BICRAL: variants seen among roughly 807,000 people sequenced by gnomAD.
BICRAL encodes BRD4-interacting chromatin-remodeling complex-associated protein-like.
In BICRAL, 8 loss-of-function variants were observed where a neutral mutation model predicts 91.8. The observed-to-expected ratio is 0.09, with a 90% CI of 0.05 to 0.16. The LOEUF (loss-of-function observed/expected upper bound fraction) is 0.16, where lower values mean the gene tolerates loss of function less well. Ranked by LOEUF, BICRAL falls within the 10% of genes least tolerant of loss-of-function variation. The probability of loss-of-function intolerance (pLI) is 1.00; values close to 1 mark genes in which losing one functional copy is unlikely to be tolerated. For missense variants in BICRAL, 1,038 were observed against 1,310.9 expected, an observed-to-expected ratio of 0.79 and a Z score of 3.21; for synonymous variants, 445 against 491.1, an observed-to-expected ratio of 0.91 and a Z score of 1.24.
rs1208446117 is a variant in BICRAL, at chr6:42,828,872, A to G, written c.539A>G (p.Asn180Ser). Residue 180 changes from asparagine (N) to serine (S), a missense_variant, in exon 6 of 13, where the codon AAT becomes AGT. Transcript: ENST00000314073. ...HVPVGASFAS[N>S]TVGVQHGFMQ... ...CCTGTTGGAGCATCGTTTGCAAGCAATACAGTGGGTGTACAACATGGCTTT... is the reference window on the plus strand; with the variant it reads ...CCTGTTGGAGCATCGTTTGCAAGCAGTACAGTGGGTGTACAACATGGCTTT... The G allele has an allele frequency of 6.8e-6, 11 of 1,614,088 alleles. No homozygotes were observed. Among genetic ancestry groups the G allele is most frequent in the African/African-American group, 1.3e-5 (1 of 74,934 alleles).
intron 1 of BICRAL, among the ~76,000 whole-genome samples, chr6:42,782,548 C>T (rs532690249): frequency 4.1e-4 from 61 of 149,174 alleles, no homozygotes; most frequent in African/African-American, 1.4e-3. Flanking sequence ...GGGGGCCCGG[C>T]GCCTTTCTTT....
At position 42,822,941 on chromosome 6, in the gene BICRAL, G is replaced by T; in HGVS notation, c.97G>T (p.Asp33Tyr). ...LHGPSNKSSN[D>Y]DLTNAGYSAA... ...TGAATTTGTATCTTTGCAGAGCAATGATGACTTGACTAATGCAGGATATTC... is the reference window on the plus strand; with the variant it reads ...TGAATTTGTATCTTTGCAGAGCAATTATGACTTGACTAATGCAGGATATTC... The change falls in exon 5 of 13, where the codon GAT becomes TAT. Residue 33 changes from aspartate to tyrosine, a missense_variant. By Grantham distance (160) the Asp-to-Tyr change is radical. This residue lies in a region of BICRAL where 115 missense variants were observed against 121.5 expected (regional missense o/e 0.95). Transcript: ENST00000314073. 1 of 1,609,822 alleles carries T rather than the reference G, an allele frequency of 6.2e-7. No individual in the cohort carries two copies.
chr6:42,808,310 T>C (rs1241944671), intron 1 of BICRAL, among the ~76,000 whole-genome samples: 1 of 151,960 alleles, frequency 6.6e-6, no homozygotes, highest in Admixed American at 6.6e-5. Flanking sequence ...TTTGTATTTT[T>C]AGTAGAGATG....
intron 1 of BICRAL, among the ~76,000 whole-genome samples, chr6:42,755,047 G>A (rs1382172849): frequency 2.6e-5 from 4 of 152,194 alleles, no homozygotes; most frequent in Non-Finnish European, 4.4e-5. Flanking sequence ...TAGTTTCTGC[G>A]TCCTCTATAA....
intron 2 of BICRAL, among the ~76,000 whole-genome samples, chr6:42,817,943 G>A (rs556626758): frequency 5.1e-4 from 75 of 147,540 alleles, no homozygotes; most frequent in African/African-American, 1.9e-3. Flanking sequence ...GTCCAGCCTG[G>A]GCAACATAGA....
At chr6:42,855,382 A>G (rs1765317988) in intron 8 of BICRAL, among the ~76,000 whole-genome samples, 2 of 152,210 alleles carry the variant, frequency 1.3e-5, no homozygotes, top group African/African-American at 4.8e-5. Context: ...CTCTACAAAA[A>G]ATACCAAAAA....
chr6:42,767,228 TTGTA>T (rs1562451894), intron 1 of BICRAL, among the ~76,000 whole-genome samples: 1 of 152,096 alleles, frequency 6.6e-6, no homozygotes, highest in South Asian at 2.1e-4. Flanking sequence ...AAAAACTGTG[TTGTA>T]TGTGTGTGGA....
At chr6:42,847,980 T>G (rs1765068431) in intron 6 of BICRAL, among the ~76,000 whole-genome samples, 1 of 151,908 alleles carries the variant, frequency 6.6e-6, no homozygotes, top group African/African-American at 2.4e-5. Context: ...ATACAAAAAA[T>G]TAGCCCGGTA....
At chr6:42,852,752 C>A (rs193195679) in intron 7 of BICRAL, among the ~76,000 whole-genome samples, 1 of 151,190 alleles carries the variant, frequency 6.6e-6, no homozygotes, top group Admixed American at 6.6e-5. Flanking sequence ...ACAAGCACTT[C>A]TATCTAAATT....
intron 1 of BICRAL, among the ~76,000 whole-genome samples, chr6:42,747,431 G>T (rs545253110): frequency 6.6e-6 from 1 of 152,336 alleles, no homozygotes; most frequent in East Asian, 1.9e-4. Flanking sequence ...CGATCTACCT[G>T]CATTTTGATG....
At chr6:42,783,342 G>T (rs116666386) in intron 1 of BICRAL, among the ~76,000 whole-genome samples, 1,951 of 152,258 alleles carry the variant, frequency 0.013, 44 homozygotes, top group African/African-American at 0.042. Context: ...AGAGATGTGC[G>T]GCTGGGACGG....
chr6:42,764,033 G>A (rs12202292), intron 1 of BICRAL, among the ~76,000 whole-genome samples: 28,157 of 148,652 alleles, frequency 0.19, 2,878 homozygotes, highest in Admixed American at 0.25. Context: ...CCTGAGGTCA[G>A]GAGTTCAAGA....
chr6:42,779,350 C>G (rs981995071), upstream of BICRAL, among the ~76,000 whole-genome samples: 1 of 151,922 alleles, frequency 6.6e-6, no homozygotes, highest in Non-Finnish European at 1.5e-5. Flanking sequence ...TATATGGACT[C>G]TTGAAATGTA....
At chr6:42,857,637 T>TATATATA (rs1554283197) in intron 10 of BICRAL, among the ~76,000 whole-genome samples, 113 of 94,146 alleles carry the variant, frequency 1.2e-3, no homozygotes, top group Middle Eastern at 5.6e-3. Context: ...ATATATATAT[T>TATATATA]TTTTAGGAGG....
At chr6:42,781,574 A>G (rs1762906308), upstream of BICRAL, among the ~76,000 whole-genome samples, 1 of 117,304 alleles carries the variant, frequency 8.5e-6, no homozygotes, top group South Asian at 3.4e-4. Context: ...TCCCGTGTCA[A>G]GTTAAACTGG....
At chr6:42,766,015 G>A (rs1323378094) in intron 1 of BICRAL, among the ~76,000 whole-genome samples, 1 of 152,018 alleles carries the variant, frequency 6.6e-6, no homozygotes, top group South Asian at 2.1e-4. Context: ...TTATAAGACT[G>A]GCTAATTTTT....
At chr6:42,791,300 T>C (rs951265292) in intron 1 of BICRAL, among the ~76,000 whole-genome samples, 30 of 152,238 alleles carry the variant, frequency 2.0e-4, no homozygotes, top group Non-Finnish European at 4.1e-4. Flanking sequence ...AAATTTATTT[T>C]TAATAAAGTT....
At position 42,864,686 on chromosome 6, in the gene BICRAL, C is replaced by G; in HGVS notation, c.2480C>G (p.Ser827Cys). The change falls in exon 13 of 13, where the codon TCC (serine) becomes TGC (cysteine). Residue 827 changes from serine (S) to cysteine (C), a missense_variant. By Grantham distance (112) the Ser-to-Cys change is moderately radical. Around this residue, in one of 5 missense-constraint regions of BICRAL, gnomAD observed 294 missense variants for 292.6 expected, o/e 1.00. Transcript: ENST00000314073. ...PEGFQADFCC[S>C]FKLDKAAHET... ...GGTTTTCAGGCTGATTTCTGTTGTT[C>G]CTTCAAACTTGATAAAGCTGCTCAT... 6.2e-7 allele frequency: 1 copy of G among 1,613,714 alleles called. No individual in the cohort carries two copies. The highest frequency in any genetic ancestry group is 1.6e-4 in the Middle Eastern group (1 of 6,062).
In BICRAL at chr6:42,822,842, T is replaced by C. The variant is rs1268952919; in HGVS notation, c.88T>C (p.Ser30Pro). 8.3e-6 allele frequency: 13 copies of C among 1,562,002 alleles called. No homozygotes were observed. The highest frequency in any genetic ancestry group is 1.1e-5 in the Non-Finnish European group (13 of 1,133,126). ...TTTTCTACATGGACCTAGTAATAAATCTGTAAGTAATGCATAGAATACCAC... is the reference window on the plus strand; with the variant it reads ...TTTTCTACATGGACCTAGTAATAAACCTGTAAGTAATGCATAGAATACCAC... ...NYFLHGPSNKSSNDDLTNAGY... is the reference protein window; with the variant it reads ...NYFLHGPSNKPSNDDLTNAGY... Residue 30 changes from serine to proline, a missense_variant and splice_region_variant, in exon 4 of 13, where the codon TCT (serine) becomes CCT (proline). Around this residue, in one of 5 missense-constraint regions of BICRAL, gnomAD observed 115 missense variants for 121.5 expected, o/e 0.95. Coordinates refer to ENST00000314073, the MANE Select transcript of BICRAL (RefSeq NM_001393499.1).
Sources: gnomAD v4.1 joint callset for allele counts (sites outside exome capture counted in the v4.1 genomes callset) on GRCh38, gnomAD v4.1.1 for gene constraint, gnomAD v4.1.1 regional missense constraint, MANE v1.5 for transcripts, NCBI Gene and HGNC (gene_info 2026-07-23, HGNC 2026-07-21) for gene names.